PRORP: variants seen among roughly 807,000 people sequenced by gnomAD.
The protein encoded by PRORP is protein only RNase P catalytic subunit, also known as mitochondrial ribonuclease P catalytic subunit.
Under a neutral mutation model 59.4 loss-of-function variants are expected in PRORP, and 51 were observed. The observed-to-expected ratio is 0.86, with a 90% CI of 0.69 to 1.08. The LOEUF (loss-of-function observed/expected upper bound fraction) is 1.08, where lower values mean the gene tolerates loss of function less well. PRORP is among the 50% of genes least tolerant of loss of function. The pLI is 0.00. For synonymous variants in PRORP, 231 were observed against 245.6 expected, an observed-to-expected ratio of 0.94 and a Z score of 0.55; for missense variants, 646 against 690.3, an observed-to-expected ratio of 0.94 and a Z score of 0.72.
chr14:35,241,918 T>G (rs1302259759), intron 5 of PRORP, among the ~76,000 whole-genome samples: 6 of 152,190 alleles, frequency 3.9e-5, no homozygotes, highest in Admixed American at 6.5e-5. Context: ...TAGGCTTCTC[T>G]TTTCTCCTAC....
At chr14:35,193,150 A>G (rs1418099809) in intron 5 of PRORP, among the ~76,000 whole-genome samples, 2 of 152,152 alleles carry the variant, frequency 1.3e-5, no homozygotes, top group African/African-American at 4.8e-5. Flanking sequence ...AAGCTCCTCT[A>G]ATAGAAGATG....
In PRORP at chr14:35,273,361, G is replaced by C; in HGVS notation, c.1621-74G>C. The C allele has an allele frequency of 2.1e-6, 3 of 1,423,310 alleles. No individual in the cohort carries two copies. The East Asian group carries it at 7.5e-5, about 35-fold the overall frequency. The allele number at this position is 1,423,310 out of a possible 1,614,324, so 88.2% of individuals were successfully genotyped here. The stretch of plus-strand genomic sequence containing the variant: ...TACTCTTCTGGAGCAAACTTGAGAA[G>C]TGTCAGAAAGAGAAATGGCCAAGTA... On this transcript the variant is annotated intron_variant, in intron 7 of 7. Coordinates refer to ENST00000534898, the MANE Select transcript of PRORP (RefSeq NM_014672.4).
chr14:35,185,062 TGG>T (rs2048710530), intron 5 of PRORP, among the ~76,000 whole-genome samples: 1 of 152,200 alleles, frequency 6.6e-6, no homozygotes, highest in Non-Finnish European at 1.5e-5. Context: ...CTGGGTTGAA[TGG>T]TAGTTCTGCT....
intron 5 of PRORP, among the ~76,000 whole-genome samples, chr14:35,257,554 C>T (rs913520816): frequency 6.6e-6 from 1 of 152,168 alleles, no homozygotes; most frequent in Non-Finnish European, 1.5e-5. Context: ...GAATAATAAT[C>T]TATTATATGT....
chr14:35,191,714 C>G (rs1445622544), intron 5 of PRORP, among the ~76,000 whole-genome samples: 1 of 152,004 alleles, frequency 6.6e-6, no homozygotes, highest in African/African-American at 2.4e-5. Flanking sequence ...AAAACCAAAC[C>G]AAAACAAACA....
intron 4 of PRORP, among the ~76,000 whole-genome samples, chr14:35,163,258 T>C (rs10138912): frequency 0.85 from 128,599 of 152,112 alleles, 54,425 homozygotes; most frequent in Admixed American, 0.87. Context: ...TATGTAATAA[T>C]ACATTTATAA....
At chr14:35,165,280 TG>T (rs1357474683) in intron 4 of PRORP, among the ~76,000 whole-genome samples, 1 of 152,130 alleles carries the variant, frequency 6.6e-6, no homozygotes, top group Non-Finnish European at 1.5e-5. Flanking sequence ...CCTGAGTAGC[TG>T]GGGTCCAGCT....
intron 4 of PRORP, among the ~76,000 whole-genome samples, chr14:35,164,505 C>T (rs577316939): frequency 3.3e-4 from 50 of 152,274 alleles, no homozygotes; most frequent in African/African-American, 9.6e-4. Context: ...TGGAGCCGGA[C>T]GCCATAATCC....
chr14:35,243,396 T>C (rs926731182), intron 5 of PRORP, among the ~76,000 whole-genome samples: 1 of 151,702 alleles, frequency 6.6e-6, no homozygotes, highest in African/African-American at 2.4e-5. Context: ...ATTAGCTAGG[T>C]GTGGTGGTGC....
intron 4 of PRORP, among the ~76,000 whole-genome samples, chr14:35,173,303 G>T (rs1483474455): frequency 2.0e-5 from 3 of 152,180 alleles, no homozygotes; most frequent in African/African-American, 7.2e-5. Context: ...GATTATCTAT[G>T]TTTGTCTAGA....
intron 5 of PRORP, among the ~76,000 whole-genome samples, chr14:35,195,070 G>A (rs1367839812): frequency 6.6e-6 from 1 of 152,050 alleles, no homozygotes; most frequent in Admixed American, 6.5e-5. Flanking sequence ...ATTAGCATAT[G>A]CAGTGTTTTA....
chr14:35,181,375 A>G (rs1208452451), intron 5 of PRORP, among the ~76,000 whole-genome samples: 2 of 152,238 alleles, frequency 1.3e-5, no homozygotes, highest in African/African-American at 2.4e-5. Flanking sequence ...GTAAATCTAT[A>G]GAAAACAGTC....
intron 4 of PRORP, among the ~76,000 whole-genome samples, chr14:35,172,116 T>C (rs2048325290): frequency 6.6e-6 from 1 of 150,992 alleles, no homozygotes; most frequent in South Asian, 2.1e-4. Flanking sequence ...TGGTATAATC[T>C]TGGCTCACTG....
chr14:35,251,801 AC>A (rs2050621383), intron 5 of PRORP, among the ~76,000 whole-genome samples: 1 of 151,840 alleles, frequency 6.6e-6, no homozygotes, highest in South Asian at 2.1e-4. Context: ...TGATCCACCC[AC>A]CTCGGCCTCC....
chr14:35,265,574 G>A (rs1306157349), intron 5 of PRORP, among the ~76,000 whole-genome samples: 1 of 152,106 alleles, frequency 6.6e-6, no homozygotes, highest in East Asian at 1.9e-4. Flanking sequence ...GTAACTGACT[G>A]GAAAGTAGGC....
chr14:35,156,703 T>C (rs999289612), intron 4 of PRORP, among the ~76,000 whole-genome samples: 4 of 152,222 alleles, frequency 2.6e-5, no homozygotes, highest in Admixed American at 1.3e-4. Flanking sequence ...CTTGATTATT[T>C]AACCTGTAAA....
chr14:35,232,495 G>A (rs1438539575), intron 5 of PRORP, among the ~76,000 whole-genome samples: 4 of 152,128 alleles, frequency 2.6e-5, no homozygotes, highest in Admixed American at 6.5e-5. Flanking sequence ...TAGAAAAACA[G>A]CAATTATGTA....
chr14:35,127,567 G>T lies in PRORP; in HGVS notation c.1123G>T (p.Asp375Tyr). The change falls in exon 4 of 8, where the codon GAT becomes TAT. Residue 375 changes from aspartate to tyrosine, a missense_variant. Asp to Tyr is a radical substitution (Grantham distance 160). Coordinates refer to ENST00000534898, the MANE Select transcript of PRORP (RefSeq NM_014672.4). ...YECLKGKIMR[D>Y]VIDGGDQYRK... ...ATGTCTTAAGGGAAAAATCATGAGG[G>T]ATGTGATAGATGGAGGTGACCAGTA... The T allele has an allele frequency of 6.2e-7, 1 of 1,614,014 alleles. No homozygotes were observed. The highest frequency in any genetic ancestry group is 8.5e-7 in the Non-Finnish European group (1 of 1,179,942).
chr14:35,175,998 A>G (rs2048439785), intron 4 of PRORP, among the ~76,000 whole-genome samples: 1 of 152,100 alleles, frequency 6.6e-6, no homozygotes, highest in Admixed American at 6.6e-5. Flanking sequence ...TAAATAGGGA[A>G]TCCTTTCCCC....
Sources: gnomAD v4.1 joint callset for allele counts (sites outside exome capture counted in the v4.1 genomes callset) on GRCh38, gnomAD v4.1.1 for gene constraint, MANE v1.5 for transcripts, NCBI Gene and HGNC (gene_info 2026-07-23, HGNC 2026-07-21) for gene names.